The following RAD18 variants were observed in gnomAD, a reference collection of about 807,000 sequenced individuals.
RAD18 encodes the protein RAD18 E3 ubiquitin protein ligase, also known as E3 ubiquitin-protein ligase RAD18.
RAD18 carries 47 observed loss-of-function variants against 60.4 expected under a neutral mutation model. That is an observed-to-expected ratio of 0.78 (90% confidence interval 0.62 to 0.99). The LOEUF (loss-of-function observed/expected upper bound fraction) is 0.99, where lower values mean the gene tolerates loss of function less well. Among genes scored for constraint, RAD18 ranks in the 50% least tolerant of loss-of-function variants. The probability of loss-of-function intolerance (pLI) is 0.00; values close to 1 mark genes in which losing one functional copy is unlikely to be tolerated. For missense variants in RAD18, 640 were observed against 593.3 expected (o/e 1.08, Z -0.82); for synonymous variants, 225 against 195.5 (o/e 1.15, Z -1.26).
intron 11 of RAD18, among the ~76,000 whole-genome samples, chr3:8,891,301 C>G (rs1559756673): frequency 6.6e-6 from 1 of 151,732 alleles, no homozygotes; most frequent in African/African-American, 2.4e-5. Context: ...TTGCCAACAC[C>G]CCCCTGTGCT....
chr3:8,896,084 C>A (rs182659795), intron 11 of RAD18, among the ~76,000 whole-genome samples: 26 of 152,346 alleles, frequency 1.7e-4, no homozygotes, highest in Admixed American at 1.6e-3. Context: ...AGTGAACTAA[C>A]CCAAGCCCAT....
intron 12 of RAD18, among the ~76,000 whole-genome samples, chr3:8,889,202 A>G (rs776312261): frequency 1.3e-5 from 2 of 152,194 alleles, no homozygotes; most frequent in Non-Finnish European, 2.9e-5. Context: ...CACCTTTGGA[A>G]AGATAGTAGA....
intron 11 of RAD18, among the ~76,000 whole-genome samples, chr3:8,895,268 T>C (rs1437150763): frequency 6.6e-6 from 1 of 152,196 alleles, no homozygotes; most frequent in Non-Finnish European, 1.5e-5. Context: ...TGTGGCAACA[T>C]TACATTCATC....
chr3:8,895,421 T>C (rs1217158081), intron 11 of RAD18, among the ~76,000 whole-genome samples: 1 of 152,224 alleles, frequency 6.6e-6, no homozygotes, highest in African/African-American at 2.4e-5. Context: ...ACTAGTTTGA[T>C]GTTTTTTCTC....
At chr3:8,956,694 G>A (rs1941018568) in intron 2 of RAD18, among the ~76,000 whole-genome samples, 1 of 145,152 alleles carries the variant, frequency 6.9e-6, no homozygotes, top group Non-Finnish European at 1.5e-5. Context: ...AAAATCATAT[G>A]AGCATCTCCA....
intron 4 of RAD18, among the ~76,000 whole-genome samples, chr3:8,944,408 T>C (rs1014347229): frequency 1.3e-5 from 2 of 152,108 alleles, no homozygotes; most frequent in Admixed American, 6.5e-5. Context: ...TGGTGGCACA[T>C]ACCCATAGTC....
rs1939391599 is a variant in RAD18, at chr3:8,877,915, T to C, written c.*3442A>G. The C allele has an allele frequency of 6.6e-6, 1 of 152,174 alleles. No individual in the cohort carries two copies. Among genetic ancestry groups the C allele is most frequent in the African/African-American group, 2.4e-5 (1 of 41,416 alleles). 9.4% of individuals were successfully genotyped at this position (152,174 alleles called of 1,614,324 possible). Reference sequence around the variant, plus strand: ...GCACAGGACGCTGTGGTCCGGGTGATAGTACACTAGCAAACCAGGAAAGCA... The same window carrying C: ...GCACAGGACGCTGTGGTCCGGGTGACAGTACACTAGCAAACCAGGAAAGCA... On this transcript the variant is annotated 3_prime_UTR_variant, in exon 13 of 13. Coordinates refer to ENST00000264926, the MANE Select transcript of RAD18 (RefSeq NM_020165.4).
chr3:8,891,075 AAT>A (rs71049753), intron 11 of RAD18, among the ~76,000 whole-genome samples: 196 of 25,950 alleles, frequency 7.6e-3, no homozygotes, highest in African/African-American at 0.012. Context: ...ATATATATAA[AAT>A]ATATATATAT....
intron 1 of RAD18, 45 bp from the exon 2 acceptor site, chr3:8,959,046 A>T: frequency 6.6e-7 from 1 of 1,506,084 alleles, no homozygotes; most frequent in Non-Finnish European, 9.2e-7. Context: ...AGACATCAAA[A>T]TTGGAAGTCC....
chr3:8,940,894 C>T (rs1940735150), intron 5 of RAD18, among the ~76,000 whole-genome samples: 1 of 152,200 alleles, frequency 6.6e-6, no homozygotes, highest in Non-Finnish European at 1.5e-5. Context: ...AGAATGAAAG[C>T]AGTCACAGAG....
intron 7 of RAD18, among the ~76,000 whole-genome samples, chr3:8,929,694 T>C (rs918618469): frequency 6.6e-6 from 1 of 151,598 alleles, no homozygotes; most frequent in East Asian, 1.9e-4. Flanking sequence ...CAGACTGTAG[T>C]GCAATGGCAC....
intron 12 of RAD18, among the ~76,000 whole-genome samples, chr3:8,885,494 GAGTT>G (rs1939544101): frequency 6.6e-6 from 1 of 152,160 alleles, no homozygotes; most frequent in Admixed American, 6.5e-5. Flanking sequence ...TAGAGACAAA[GAGTT>G]AGCAAGATTT....
chr3:8,919,799 CTGCAATATCT>C (rs1488128173), intron 7 of RAD18, among the ~76,000 whole-genome samples: 2 of 151,928 alleles, frequency 1.3e-5, no homozygotes, highest in African/African-American at 4.8e-5. Context: ...CAAGAAAAGT[CTGCAATATCT>C]TGTTATGTTA....
chr3:8,902,304 C>G, intron 10 of RAD18, 76 bp downstream of exon 10: 1 of 1,300,742 alleles, frequency 7.7e-7, no homozygotes, highest in Non-Finnish European at 1.0e-6. Flanking sequence ...AAGTAAATTT[C>G]TTTGGTTTAA....
At chr3:8,939,723 T>C (rs1940715284) in intron 5 of RAD18, 70 bp from the exon 6 acceptor site, 1 of 1,279,524 alleles carries the variant, frequency 7.8e-7, no homozygotes, top group South Asian at 1.3e-5. Flanking sequence ...TAAACTGGCA[T>C]CTTTTCAGCA....
chr3:8,956,941 T>G (rs1461262734), intron 2 of RAD18, among the ~76,000 whole-genome samples: 2 of 152,138 alleles, frequency 1.3e-5, no homozygotes, highest in Non-Finnish European at 2.9e-5. Flanking sequence ...AACACTGTAG[T>G]TGAGGTACCA....
intron 2 of RAD18, among the ~76,000 whole-genome samples, chr3:8,955,206 A>C (rs867954228): frequency 5.9e-5 from 9 of 152,166 alleles, no homozygotes; most frequent in Admixed American, 3.3e-4. Context: ...AAAGGTCTGG[A>C]CTAGTACCAC....
intron 7 of RAD18, among the ~76,000 whole-genome samples, chr3:8,922,722 C>A (rs527674450): frequency 7.7e-4 from 118 of 152,280 alleles, no homozygotes; most frequent in African/African-American, 2.8e-3. Flanking sequence ...ACAAAACTTC[C>A]AGAGGAACAA....
intron 8 of RAD18, 151 bp downstream of exon 8, chr3:8,913,493 T>C (rs754040660): frequency 3.8e-6 from 2 of 519,862 alleles, no homozygotes; most frequent in Admixed American, 4.3e-5. Flanking sequence ...CAATCAAATA[T>C]TGTCCTAAAA....
Sources: gnomAD v4.1 joint callset for allele counts (sites outside exome capture counted in the v4.1 genomes callset) on GRCh38, gnomAD v4.1.1 for gene constraint, MANE v1.5 for transcripts, NCBI Gene and HGNC (gene_info 2026-07-23, HGNC 2026-07-21) for gene names.